The following PER2 variants were observed in gnomAD, a reference collection of about 807,000 sequenced individuals.
PER2 encodes period circadian protein homolog 2.
A neutral mutation model predicts 121.0 loss-of-function variants in PER2; 66 were observed. The ratio of observed to expected loss-of-function variants is 0.55; its 90% CI spans 0.45 to 0.67. The LOEUF (loss-of-function observed/expected upper bound fraction) is 0.67. Ranked by LOEUF, PER2 falls within the 30% of genes least tolerant of loss-of-function variation. PER2 has a pLI of 0.00. For missense variants in PER2, 1,521 were observed against 1,635.0 expected (o/e 0.93, Z 1.20); for synonymous variants, 684 against 659.9 (o/e 1.04, Z -0.56).
Position 238,268,617 on chromosome 2 carries a change from G to A in PER2, c.824+306C>T, listed in dbSNP as rs189713669. Among the ~76,000 whole-genome samples the A allele has an allele frequency of 2.5e-4, 38 of 152,318 alleles. No homozygotes were observed. In the East Asian group the frequency reaches 5.6e-3, roughly 22 times the overall value. ...GCTACGGGTCTCTCCCCAGAAAAAC[G>A]CACAGACAACCAAAAGACGCAGTGC... On this transcript the variant is annotated intron_variant, in intron 7 of 22. Transcript: ENST00000254657. This position sits in a 1 kb window ranked among gnomAD's most constrained non-coding sequence, Gnocchi z 4.0.
intron 9 of PER2, among the ~76,000 whole-genome samples, chr2:238,264,281 C>A (rs114402872): frequency 1.1e-3 from 171 of 152,366 alleles, no homozygotes; most frequent in Non-Finnish European, 1.9e-3. Flanking sequence ...GCCCTGCCCT[C>A]CAAGATCCTG....
the PER2 span, among the ~76,000 whole-genome samples, chr2:238,296,698 G>A: frequency 1.3e-5 from 2 of 151,722 alleles, no homozygotes; most frequent in Admixed American, 1.3e-4. Context: ...AGTCAGTTGT[G>A]TGCCCTGTGA....
In PER2 at chr2:238,252,973, G is replaced by A. The variant is rs761299191; in HGVS notation, c.3050C>T (p.Ala1017Val). ...GCCAGGTTTGCAGTCCGCCCCTACA[G>A]CTGCTGTCTCTGTGGCCCCTGTGGT... ...MGTTGATETA[A>V]VGADCKPGTS... is the part of the protein sequence containing the mutation. The change falls in exon 19 of 23, where the codon GCT becomes GTT. Residue 1017 changes from alanine to valine, a missense_variant. Coordinates refer to ENST00000254657, the MANE Select transcript of PER2 (RefSeq NM_022817.3). The surrounding 1 kb of genome is among the most constrained non-coding windows in gnomAD (Gnocchi z 4.2). 5 of 1,613,882 alleles carry A rather than the reference G, an allele frequency of 3.1e-6. No individual in the cohort carries two copies. In the East Asian group the frequency reaches 1.1e-4, roughly 36 times the overall value.
intron 2 of PER2, among the ~76,000 whole-genome samples, chr2:238,277,480 A>G (rs916051198): frequency 6.6e-6 from 1 of 152,124 alleles, no homozygotes; most frequent in African/African-American, 2.4e-5. Flanking sequence ...ACCTCCCAAG[A>G]TCTCCTTACA....
intron 4 of PER2, among the ~76,000 whole-genome samples, chr2:238,275,308 A>G (rs1384838936): frequency 6.6e-6 from 1 of 152,170 alleles, no homozygotes; most frequent in African/African-American, 2.4e-5. Flanking sequence ...CCTGGCTGAC[A>G]CTGATGGTCT....
intron 9 of PER2, 21 bp from the exon 10 acceptor site, chr2:238,263,079 C>A (rs763722458): frequency 7.1e-7 from 1 of 1,409,638 alleles, no homozygotes; most frequent in African/African-American, 1.4e-5. Flanking sequence ...AGCAGACACA[C>A]GCTAGGATTG....
At chr2:238,255,564 T>C (rs972118665) in intron 18 of PER2, 93 bp downstream of exon 18, 10 of 1,265,202 alleles carry the variant, frequency 7.9e-6, no homozygotes, top group African/African-American at 4.4e-5. Context: ...CTTCTGAAAC[T>C]GGACACATTT....
At chr2:238,278,037 G>A (rs1696511610) in intron 1 of PER2, 82 bp from the exon 2 acceptor site, 1 of 1,431,816 alleles carries the variant, frequency 7.0e-7, no homozygotes, top group South Asian at 1.2e-5. Context: ...GCACCCATTT[G>A]ACTCTTTCTG....
At chr2:238,250,497 G>A in intron 21 of PER2, 54 bp downstream of exon 21, 2 of 1,278,782 alleles carry the variant, frequency 1.6e-6, no homozygotes, top group Non-Finnish European at 1.1e-6. Context: ...TTGTTTCTGG[G>A]AGCTCCTGAA....
In PER2 at chr2:238,253,453, G is replaced by A. The variant is rs1488058354; in HGVS notation, c.2570C>T (p.Pro857Leu). The A allele has an allele frequency of 6.2e-7, 1 of 1,612,926 alleles. No individual in the cohort carries two copies. The highest frequency in any genetic ancestry group is 8.5e-7 in the Non-Finnish European group (1 of 1,179,402). The change falls in exon 19 of 23, where the codon CCC becomes CTC. Residue 857 changes from proline (P) to leucine (L), a missense_variant. Physicochemically the swap from Pro to Leu is moderately conservative, Grantham distance 98. Transcript: ENST00000254657. The surrounding 1 kb of genome is among the most constrained non-coding windows in gnomAD (Gnocchi z 5.6). ...CACAGTCCCTGGCGCTGGAAACACG[G>A]GCAGTGAATAAGCTGCTGGCACTGG... is the stretch of plus-strand genomic sequence containing the variant. ...PAPVPAAYSL[P>L]VFPAPGTVAA...
intron 4 of PER2, among the ~76,000 whole-genome samples, chr2:238,273,964 C>A (rs1696375382): frequency 6.6e-6 from 1 of 152,208 alleles, no homozygotes; most frequent in African/African-American, 2.4e-5. Context: ...CCGCGCCCGG[C>A]CCCTAGAAAG....
In PER2 at chr2:238,244,890, AC is replaced by A. The variant is rs1695403527; in HGVS notation, c.*1484del. 2 of 152,030 alleles carry A rather than the reference AC, an allele frequency of 1.3e-5. No individual in the cohort carries two copies. Among genetic ancestry groups the A allele is most frequent in the African/African-American group, 4.8e-5 (2 of 41,390 alleles). The allele number at this position is 152,030 out of a possible 1,614,324, so 9.4% of individuals were successfully genotyped here. A position where few individuals can be genotyped will look rare whatever the true frequency, so the allele number is the denominator to read the frequency against. ...GTGAAACCCTGTCTCTACTAAAAATACAAAAAATTAGCTGGGTGTGGTGGCA... is the reference window on the plus strand; with the variant it reads ...GTGAAACCCTGTCTCTACTAAAAATAAAAAAATTAGCTGGGTGTGGTGGCA... On this transcript the variant is annotated 3_prime_UTR_variant, in exon 23 of 23. Transcript: ENST00000254657.
At chr2:238,272,419 TG>T (rs1696317510) in intron 5 of PER2, among the ~76,000 whole-genome samples, 1 of 152,194 alleles carries the variant, frequency 6.6e-6, no homozygotes, top group African/African-American at 2.4e-5. Context: ...CAGCCCACCA[TG>T]GGCGCTCTAC....
rs772948588 is a variant in PER2, at chr2:238,277,972, T to G, written c.-19-17A>C. 1.2e-6 allele frequency: 2 copies of G among 1,607,034 alleles called. No homozygotes were observed. The highest frequency in any genetic ancestry group is 3.4e-5 in the Admixed American group (2 of 58,924). On this transcript the variant is annotated splice_polypyrimidine_tract_variant and intron_variant, in intron 1 of 22. Transcript: ENST00000254657. Reference sequence around the variant, plus strand: ...GGAACGAAGCTGGCAAACAGAGGGATGCTGTCACGCATTAACAAGCACACG... The same window carrying G: ...GGAACGAAGCTGGCAAACAGAGGGAGGCTGTCACGCATTAACAAGCACACG...
At chr2:238,255,631 G>A (rs375391834) in intron 18 of PER2, 26 bp downstream of exon 18, 28 of 1,612,410 alleles carry the variant, frequency 1.7e-5, no homozygotes, top group African/African-American at 1.1e-4. Flanking sequence ...TTTTTAAAAC[G>A]CACTTTTAAT....
In PER2 at chr2:238,277,043, G is replaced by C. The variant is rs1466851565; in HGVS notation, c.293+88C>G. 3.0e-6 allele frequency: 3 copies of C among 1,010,120 alleles called. No homozygotes were observed. In the African/African-American group the frequency reaches 4.7e-5, roughly 16 times the overall value. The allele number at this position is 1,010,120 out of a possible 1,614,324, so 62.6% of individuals were successfully genotyped here. A position where few individuals can be genotyped will look rare whatever the true frequency, so the allele number is the denominator to read the frequency against. Reference sequence around the variant, plus strand: ...TGGGTTTTAGCACAGCTTAAAAAAAGCCACGTCACTCCCAGAAAACTAACC... The same window carrying C: ...TGGGTTTTAGCACAGCTTAAAAAAACCCACGTCACTCCCAGAAAACTAACC... On this transcript the variant is annotated intron_variant, in intron 3 of 22. Transcript: ENST00000254657.
In PER2 at chr2:238,244,376, G is replaced by A. The variant is rs1695389685; in HGVS notation, c.*1999C>T. 6.6e-6 allele frequency: 1 copy of A among 152,576 alleles called. No individual in the cohort carries two copies. Among genetic ancestry groups the A allele is most frequent in the Non-Finnish European group, 1.5e-5 (1 of 68,048 alleles). The allele number at this position is 152,576 out of a possible 1,614,324, so 9.5% of individuals were successfully genotyped here. On this transcript the variant is annotated 3_prime_UTR_variant, in exon 23 of 23. Transcript: ENST00000254657. ...ATGATCCTATTAAGTCAACTGCTTG[G>A]CACGCGCTGAAGCTACAGTTAACAA...
In PER2 at chr2:238,252,179, C is replaced by T. The variant is rs1260926566; in HGVS notation, c.3112-418G>A. On this transcript the variant is annotated intron_variant, in intron 19 of 22. Coordinates refer to ENST00000254657, the MANE Select transcript of PER2 (RefSeq NM_022817.3). The surrounding 1 kb of genome is among the most constrained non-coding windows in gnomAD (Gnocchi z 4.2). Reference sequence around the variant, plus strand: ...GGCCTGGGGAGCATCCCTGACCCTCCTCTCCTTGGAAACCCAGACTGCAGG... The same window carrying T: ...GGCCTGGGGAGCATCCCTGACCCTCTTCTCCTTGGAAACCCAGACTGCAGG... Among the ~76,000 whole-genome samples, 1 of 152,164 alleles carries T rather than the reference C, an allele frequency of 6.6e-6. No individual in the cohort carries two copies. The highest frequency in any genetic ancestry group is 2.4e-5 in the African/African-American group (1 of 41,432).
intron 8 of PER2, among the ~76,000 whole-genome samples, chr2:238,266,283 A>C (rs1696109741): frequency 6.6e-6 from 1 of 151,490 alleles, no homozygotes; most frequent in Non-Finnish European, 1.5e-5. Flanking sequence ...CTTGGATTCA[A>C]ATTTCTTTTT....
Sources: allele counts gnomAD v4.1 joint callset (sites outside exome capture counted in the v4.1 genomes callset), GRCh38; gene constraint gnomAD v4.1.1; non-coding constraint Gnocchi (gnomAD v3.1); transcripts MANE v1.5; gene names NCBI Gene and HGNC (gene_info 2026-07-23, HGNC 2026-07-21).